The following APOBEC3G variants were observed in gnomAD, a reference collection of about 807,000 sequenced individuals.
The protein encoded by APOBEC3G is DNA dC->dU-editing enzyme APOBEC-3G.
APOBEC3G carries 44 observed loss-of-function variants against 50.0 expected under a neutral mutation model. That is an observed-to-expected ratio of 0.88 (90% CI 0.69 to 1.13). The LOEUF is 1.13. Among genes scored for constraint, APOBEC3G ranks in the 50% most tolerant of loss-of-function variants. The probability of loss-of-function intolerance (pLI) is 0.00; values close to 1 mark genes in which losing one functional copy is unlikely to be tolerated. For missense variants in APOBEC3G, 469 were observed against 492.0 expected (o/e 0.95, Z 0.44); for synonymous variants, 156 against 175.3 (o/e 0.89, Z 0.87).
intron 5 of APOBEC3G, among the ~76,000 whole-genome samples, 186 bp from the exon 6 acceptor site, chr22:39,086,093 T>C (rs546906619): frequency 1.3e-5 from 2 of 151,930 alleles, no homozygotes; most frequent in Admixed American, 6.6e-5. Context: ...TCACCTGAGG[T>C]TGGGAGTTTG....
Position 39,086,524 on chromosome 22 carries a change from C to T in APOBEC3G, c.981C>T (p.Thr327=), listed in dbSNP as rs1218053667. 1 of 1,611,672 alleles carries T rather than the reference C, an allele frequency of 6.2e-7. No individual in the cohort carries two copies. Among genetic ancestry groups the T allele is most frequent in the African/African-American group, 1.3e-5 (1 of 74,860 alleles). The change falls in exon 6 of 8, where the codon ACC becomes ACT. Residue 327 remains threonine, a synonymous_variant. Transcript: ENST00000407997. ...GAAGATGTCAGGAGGGGCTGCGCAC[C>T]CTGGCCGAGGCTGGGGCCAAAATTT... ...DQGRCQEGLR[T]LAEAGAKISI... is the part of the protein sequence containing the mutation.
At chr22:39,085,587 A>T (rs1928656479) in intron 5 of APOBEC3G, among the ~76,000 whole-genome samples, 1 of 152,238 alleles carries the variant, frequency 6.6e-6, no homozygotes, top group Non-Finnish European at 1.5e-5. Flanking sequence ...ATTATTTAAT[A>T]GATTATTGTA....
At chr22:39,080,153 T>G in intron 2 of APOBEC3G, 1 of 523,122 alleles carries the variant, frequency 1.9e-6, no homozygotes, top group Non-Finnish European at 2.6e-6. Context: ...CCCCCCGACA[T>G]GGACAGTGCA....
intron 2 of APOBEC3G, 69 bp from the exon 3 acceptor site, chr22:39,080,864 C>A: frequency 1.6e-6 from 2 of 1,215,320 alleles, no homozygotes; most frequent in Non-Finnish European, 2.3e-6. Context: ...CCCCTCCTCC[C>A]CCTGCCCCAC....
intron 5 of APOBEC3G, among the ~76,000 whole-genome samples, chr22:39,085,167 A>T (rs1928638959): frequency 6.6e-6 from 1 of 152,148 alleles, no homozygotes; most frequent in Non-Finnish European, 1.5e-5. Context: ...AAACACCATC[A>T]TTCCTTGGGC....
At position 39,087,539 on chromosome 22, in the gene APOBEC3G, C is replaced by T; in HGVS notation, c.*118C>T. On this transcript the variant is annotated 3_prime_UTR_variant, in exon 8 of 8. Coordinates refer to ENST00000407997, the MANE Select transcript of APOBEC3G (RefSeq NM_021822.4). ...CACCATCTCCAGCTGATCACAGACA[C>T]CAGCAAAGCAATGCACTCCTGACCA... 6.3e-7 allele frequency: 1 copy of T among 1,588,650 alleles called. No individual in the cohort carries two copies. Among genetic ancestry groups the T allele is most frequent in the Non-Finnish European group, 8.6e-7 (1 of 1,158,744 alleles).
chr22:39,078,010 A>T (rs903202028), intron 1 of APOBEC3G, among the ~76,000 whole-genome samples: 2 of 152,244 alleles, frequency 1.3e-5, no homozygotes, highest in Non-Finnish European at 2.9e-5. Context: ...CTGTCATCCC[A>T]GCACTTTGGG....
intron 5 of APOBEC3G, among the ~76,000 whole-genome samples, 167 bp from the exon 6 acceptor site, chr22:39,086,112 C>T (rs538770433): frequency 3.9e-5 from 6 of 152,078 alleles, no homozygotes; most frequent in Admixed American, 3.9e-4. Context: ...TGAGACCAGC[C>T]TGAACCACAT....
intron 1 of APOBEC3G, 111 bp from the exon 2 acceptor site, chr22:39,078,817 GGGGA>G: frequency 7.0e-7 from 1 of 1,421,772 alleles, no homozygotes; most frequent in Non-Finnish European, 9.4e-7. Context: ...TCTCAGGGGA[GGGGA>G]GGGATGGGGG....
rs530356988 is a variant in APOBEC3G, at chr22:39,081,981, G to C, written c.581+396G>C. 27 of 177,526 alleles carry C rather than the reference G, an allele frequency of 1.5e-4. 1 individual carries two copies. In the South Asian group the frequency reaches 3.2e-3, roughly 21 times the overall value. The allele number at this position is 177,526 out of a possible 1,614,324, so 11.0% of individuals were successfully genotyped here. On this transcript the variant is annotated intron_variant, in intron 4 of 7. Transcript: ENST00000407997. ...AGAAGCTTTGAGCAACATCCTTAAAGGCCAACCTGAGCCCCTGAGAAGGAG... is the reference window on the plus strand; with the variant it reads ...AGAAGCTTTGAGCAACATCCTTAAACGCCAACCTGAGCCCCTGAGAAGGAG...
rs748784807 is a variant in APOBEC3G at position 39,077,355 on chromosome 22, G to C, written c.-7G>C. ...CAAAGATCTTAGTCGGGACTAGCCG[G>C]CCAAGGATGAAGCCTCACTTCAGGT... On this transcript the variant is annotated 5_prime_UTR_variant, in exon 1 of 8. Coordinates refer to ENST00000407997, the MANE Select transcript of APOBEC3G (RefSeq NM_021822.4). 6.3e-7 allele frequency: 1 copy of C among 1,578,498 alleles called. No individual in the cohort carries two copies. Among genetic ancestry groups the C allele is most frequent in the South Asian group, 1.2e-5 (1 of 86,366 alleles).
At chr22:39,085,251 C>CGAT (rs1170318940) in intron 5 of APOBEC3G, among the ~76,000 whole-genome samples, 10 of 152,228 alleles carry the variant, frequency 6.6e-5, no homozygotes, top group Non-Finnish European at 1.2e-4. Context: ...CCCCTCATCC[C>CGAT]CACTTCTCCC....
intron 2 of APOBEC3G, 188 bp from the exon 3 acceptor site, chr22:39,080,745 A>C (rs979669971): frequency 3.3e-6 from 2 of 615,106 alleles, no homozygotes; most frequent in African/African-American, 1.8e-5. Flanking sequence ...GGCCATTACC[A>C]TAGCAATTAA....
chr22:39,080,163 A>G, intron 2 of APOBEC3G: 1 of 576,546 alleles, frequency 1.7e-6, no homozygotes, highest in Non-Finnish European at 2.3e-6. Context: ...TGGACAGTGC[A>G]GGTCCAGTGG....
At chr22:39,077,717 T>C (rs771160102) in intron 1 of APOBEC3G, among the ~76,000 whole-genome samples, 1 of 152,238 alleles carries the variant, frequency 6.6e-6, no homozygotes, top group Non-Finnish European at 1.5e-5. Flanking sequence ...CTGGGAGAAT[T>C]GAACCAAAGG....
At chr22:39,087,169 C>G in intron 7 of APOBEC3G, 43 bp downstream of exon 7, 1 of 1,612,876 alleles carries the variant, frequency 6.2e-7, no homozygotes, top group Non-Finnish European at 8.5e-7. Flanking sequence ...TCGGCCTCCC[C>G]CTCCTCCCCT....
chr22:39,077,249 G>C, upstream of APOBEC3G: 1 of 1,541,432 alleles, frequency 6.5e-7, no homozygotes, highest in Non-Finnish European at 8.8e-7. Flanking sequence ...CCATGACTAC[G>C]AGGCCCTGGG....
intron 7 of APOBEC3G, 72 bp from the exon 8 acceptor site, chr22:39,087,335 C>G: frequency 6.2e-7 from 1 of 1,609,660 alleles, no homozygotes; most frequent in South Asian, 1.1e-5. Flanking sequence ...TGTCACTGTC[C>G]CCAGGCCTCC....
At chr22:39,078,835 C>T in intron 1 of APOBEC3G, 97 bp from the exon 2 acceptor site, 1 of 1,518,070 alleles carries the variant, frequency 6.6e-7, no homozygotes, top group Non-Finnish European at 8.8e-7. Flanking sequence ...ATGGGGGAGG[C>T]CTAGAGCCGT....
Sources: allele counts gnomAD v4.1 joint callset (sites outside exome capture counted in the v4.1 genomes callset), GRCh38; gene constraint gnomAD v4.1.1; transcripts MANE v1.5; gene names NCBI Gene and HGNC (gene_info 2026-07-23, HGNC 2026-07-21).